SHANK2: variants seen among roughly 807,000 people sequenced by gnomAD.
SHANK2 encodes the protein SH3 and multiple ankyrin repeat domains 2, also known as SH3 and multiple ankyrin repeat domains protein 2.
A neutral mutation model predicts 133.7 loss-of-function variants in SHANK2; 43 were observed. The ratio of observed to expected loss-of-function variants is 0.32; its 90% CI spans 0.25 to 0.41. SHANK2 has a LOEUF of 0.41. Among genes scored for constraint, SHANK2 ranks in the 10% least tolerant of loss-of-function variants. The pLI is 1.00. For synonymous variants in SHANK2, 1,017 were observed against 952.8 expected (o/e 1.07, Z -1.24); for missense variants, 1,994 against 2,235.8 (o/e 0.89, Z 2.18).
chr11:70,904,256 G>T (rs1408264691), intron 10 of SHANK2, among the ~76,000 whole-genome samples: 3 of 152,200 alleles, frequency 2.0e-5, no homozygotes, highest in Non-Finnish European at 4.4e-5. Context: ...TGCCCACAGG[G>T]CCCGAGCGTG....
intron 17 of SHANK2, among the ~76,000 whole-genome samples, chr11:70,556,646 C>T (rs546070162): frequency 6.7e-6 from 1 of 148,196 alleles, no homozygotes; most frequent in East Asian, 2.0e-4. Flanking sequence ...GGCTGGAGTG[C>T]AGTGGTGTGA....
chr11:70,558,897 C>T lies in SHANK2; in HGVS notation c.2062-55966G>A, dbSNP rs377253595. ...GAGAGAAAGCAGCCCCCGTTGGAGT[C>T]GGCCTGCAGCGCGTCTGCACACGGA... is the stretch of plus-strand genomic sequence containing the variant. On this transcript the variant is annotated intron_variant, in intron 17 of 25. Transcript: ENST00000601538. Among the ~76,000 whole-genome samples the T allele has an allele frequency of 1.9e-4, 29 of 152,306 alleles. 1 individual carries two copies. In the South Asian group the frequency reaches 5.6e-3, roughly 29 times the overall value.
At chr11:70,870,932 C>T (rs1949449087) in intron 11 of SHANK2, among the ~76,000 whole-genome samples, 1 of 152,198 alleles carries the variant, frequency 6.6e-6, no homozygotes. Context: ...CACCCGCCAC[C>T]ACGCCCGGCT....
chr11:71,134,085 G>C (rs1952389294), intron 3 of SHANK2, among the ~76,000 whole-genome samples: 1 of 149,406 alleles, frequency 6.7e-6, no homozygotes, highest in African/African-American at 2.5e-5. Flanking sequence ...TGGGTGACTT[G>C]ACAGTGCAGA....
intron 14 of SHANK2, among the ~76,000 whole-genome samples, chr11:70,746,948 C>A (rs553424597): frequency 6.8e-6 from 1 of 147,130 alleles, no homozygotes; most frequent in African/African-American, 2.5e-5. Context: ...TTTACCCCTC[C>A]ACCCCCCTCC....
intron 7 of SHANK2, among the ~76,000 whole-genome samples, chr11:71,093,382 G>A (rs754209636): frequency 1.3e-5 from 2 of 152,108 alleles, no homozygotes; most frequent in Non-Finnish European, 2.9e-5. Flanking sequence ...CAACGGGTAC[G>A]GTGTGGCTCT....
intron 17 of SHANK2, among the ~76,000 whole-genome samples, chr11:70,612,444 A>AT (rs2060672576): frequency 6.6e-6 from 1 of 152,212 alleles, no homozygotes; most frequent in Admixed American, 6.5e-5. Flanking sequence ...GTGTACACGT[A>AT]TACATACACA....
chr11:70,927,880 T>C (rs1480462014), intron 10 of SHANK2, among the ~76,000 whole-genome samples: 1 of 152,136 alleles, frequency 6.6e-6, no homozygotes, highest in Non-Finnish European at 1.5e-5. Flanking sequence ...AAGGGGGCAT[T>C]AGCTCTCCCC....
In SHANK2 at chr11:70,599,925, A is replaced by AAG. The variant is rs1378395578; in HGVS notation, c.2061+59901_2061+59902dup. 9.5e-4 allele frequency among the ~76,000 whole-genome samples: 108 copies of AAG among 114,028 alleles called. 2 individuals carry two copies. Among genetic ancestry groups the AAG allele is most frequent in the African/African-American group, 5.1e-3 (103 of 20,370 alleles). The allele number at this position is 114,028 out of a possible 152,430, so 74.8% of individuals were successfully genotyped here. A position where few individuals can be genotyped will look rare whatever the true frequency, so the allele number is the denominator to read the frequency against. ...AGAAAGAGAAAGAAAGAAAGAAAGA[A>AAG]AGAAAGAAAGAAAGAAAGAAAGAAA... On this transcript the variant is annotated intron_variant, in intron 17 of 25. Coordinates refer to ENST00000601538, the MANE Select transcript of SHANK2 (RefSeq NM_012309.5).
At chr11:70,705,693 A>G (rs1174548831) in intron 14 of SHANK2, 7 of 152,172 alleles carry the variant, frequency 4.6e-5, no homozygotes, top group African/African-American at 1.7e-4. Flanking sequence ...GTCAAAACCA[A>G]GCTTCCAACC....
intron 17 of SHANK2, among the ~76,000 whole-genome samples, chr11:70,513,810 C>T (rs1554969609): frequency 6.6e-6 from 1 of 152,020 alleles, no homozygotes; most frequent in Non-Finnish European, 1.5e-5. Flanking sequence ...GAGAACATAT[C>T]CAATCCAAAG....
intron 14 of SHANK2, among the ~76,000 whole-genome samples, chr11:70,750,923 T>C (rs1555037342): frequency 6.6e-6 from 1 of 152,072 alleles, no homozygotes; most frequent in African/African-American, 2.4e-5. Context: ...TTCCATCGGG[T>C]TTAAACAAGA....
intron 6 of SHANK2, among the ~76,000 whole-genome samples, chr11:71,099,199 G>A (rs1555096189): frequency 6.6e-6 from 1 of 152,092 alleles, no homozygotes. Flanking sequence ...TGCCCAGGGA[G>A]ACGAATGAGG....
intron 3 of SHANK2, among the ~76,000 whole-genome samples, chr11:71,124,189 T>A: frequency 1.3e-5 from 1 of 77,300 alleles, no homozygotes; most frequent in Non-Finnish European, 2.4e-5. Flanking sequence ...GTGATGATGG[T>A]GATGGTGATG....
chr11:70,749,869 C>CA (rs1241505541), intron 14 of SHANK2, among the ~76,000 whole-genome samples: 2 of 151,766 alleles, frequency 1.3e-5, no homozygotes, highest in Non-Finnish European at 2.9e-5. Context: ...GACAGTATTA[C>CA]AAAAAATCTA....
chr11:70,524,433 G>T (rs1342491512), intron 17 of SHANK2, among the ~76,000 whole-genome samples: 1 of 152,216 alleles, frequency 6.6e-6, no homozygotes, highest in Non-Finnish European at 1.5e-5. Context: ...CTTTACCGGA[G>T]CAAATCGGTA....
intron 17 of SHANK2, among the ~76,000 whole-genome samples, chr11:70,602,965 C>T (rs2136332857): frequency 6.6e-6 from 1 of 152,322 alleles, no homozygotes; most frequent in Admixed American, 6.5e-5. Flanking sequence ...AGGCAGAACC[C>T]CAGAGCATAC....
chr11:70,943,256 C>T (rs1950673040), intron 10 of SHANK2, among the ~76,000 whole-genome samples: 1 of 152,140 alleles, frequency 6.6e-6, no homozygotes, highest in Non-Finnish European at 1.5e-5. Flanking sequence ...GGTGGCTCAG[C>T]AGCAGAGAGG....
At chr11:70,683,175 G>T (rs1252736867) in intron 15 of SHANK2, among the ~76,000 whole-genome samples, 1 of 151,992 alleles carries the variant, frequency 6.6e-6, no homozygotes, top group Non-Finnish European at 1.5e-5. Context: ...ATGGGATCTT[G>T]CTTTGTTGCC....
Sources: allele counts gnomAD v4.1 joint callset (sites outside exome capture counted in the v4.1 genomes callset), GRCh38; gene constraint gnomAD v4.1.1; transcripts MANE v1.5; gene names NCBI Gene and HGNC (gene_info 2026-07-23, HGNC 2026-07-21).